The following PRSS54 variants were observed in gnomAD, a reference collection of about 807,000 sequenced individuals.
PRSS54 encodes inactive serine protease 54.
Under a neutral mutation model 19.9 loss-of-function variants are expected in PRSS54, and 16 were observed. That is an observed-to-expected ratio of 0.80 (90% CI 0.54 to 1.22). PRSS54 has a LOEUF of 1.22. Among genes scored for constraint, PRSS54 ranks in the 50% most tolerant of loss-of-function variants. PRSS54 has a pLI of 0.00. For synonymous variants in PRSS54, 177 were observed against 195.8 expected (o/e 0.90, Z 0.80); for missense variants, 444 against 494.8 (o/e 0.90, Z 0.97).
rs1160921824 is a variant in PRSS54 at position 58,294,026 on chromosome 16, A to C, written c.-48T>G. Reference sequence around the variant, plus strand: ...GCTTGGTTCTGTGTGGTAAAGAGGCAGGACCAGTTGGCCCGCACTGTGGTT... The same window carrying C: ...GCTTGGTTCTGTGTGGTAAAGAGGCCGGACCAGTTGGCCCGCACTGTGGTT... On this transcript the variant is annotated 5_prime_UTR_variant, in exon 2 of 7. Transcript: ENST00000567164. 2 of 580,372 alleles carry C rather than the reference A, an allele frequency of 3.4e-6. No homozygotes were observed. Among genetic ancestry groups the C allele is most frequent in the East Asian group, 5.9e-5 (2 of 33,772 alleles). The allele number at this position is 580,372 out of a possible 1,614,324, so 36.0% of individuals were successfully genotyped here. A position where few individuals can be genotyped will look rare whatever the true frequency, so the allele number is the denominator to read the frequency against.
At chr16:58,293,867 T>C (rs994398278) in intron 2 of PRSS54, 45 bp from the exon 3 acceptor site, 6 of 1,518,326 alleles carry the variant, frequency 4.0e-6, no homozygotes, top group Non-Finnish European at 5.4e-6. Context: ...CCCAAACACA[T>C]GCAGGGTTTT....
intron 5 of PRSS54, 84 bp from the exon 6 acceptor site, chr16:58,284,805 ACGAGAGTG>A: frequency 6.7e-7 from 1 of 1,487,342 alleles, no homozygotes; most frequent in Non-Finnish European, 9.1e-7. Flanking sequence ...ATATAGCCAA[ACGAGAGTG>A]AGAATTTTTT....
chr16:58,280,325 C>T lies in PRSS54; in HGVS notation c.1087G>A (p.Val363Met). ...PLYYDYYGGE[V>M]GEGRIFAGQN... ...CCTGCAAAAATCCTACCTTCCCCCA[C>T]CTCCCCACCGTAATAGTCATAGTAT... The change falls in exon 7 of 7, where the codon GTG (valine) becomes ATG (methionine). Residue 363 changes from valine (V) to methionine (M), a missense_variant. By Grantham distance (21) the Val-to-Met change is conservative. Coordinates refer to ENST00000567164, the MANE Select transcript of PRSS54 (RefSeq NM_001305173.2). 1 of 1,614,186 alleles carries T rather than the reference C, an allele frequency of 6.2e-7. No homozygotes were observed. The highest frequency in any genetic ancestry group is 8.5e-7 in the Non-Finnish European group (1 of 1,180,030).
intron 5 of PRSS54, 56 bp from the exon 6 acceptor site, chr16:58,284,777 T>C (rs1338623741): frequency 3.1e-6 from 5 of 1,602,504 alleles, no homozygotes; most frequent in Non-Finnish European, 4.3e-6. Flanking sequence ...GTCCCCTATG[T>C]CAACACAACT....
rs1964681063 is a variant in PRSS54 at position 58,280,254 on chromosome 16, G to A, written c.1158C>T (p.Phe386=). ...TACTGCTGCAAAAGAAAACAAGCAC[G>A]AAGGAAACCAAGATGATTTCTTCGG... is the stretch of plus-strand genomic sequence containing the variant. The part of the protein sequence containing the change: ...YQPEEIILVS[F]VLVFFCSSI Residue 386 remains phenylalanine, a synonymous_variant, in exon 7 of 7, where the codon TTC becomes TTT. Coordinates refer to ENST00000567164, the MANE Select transcript of PRSS54 (RefSeq NM_001305173.2). 5.0e-6 allele frequency: 8 copies of A among 1,613,188 alleles called. No homozygotes were observed. The highest frequency in any genetic ancestry group is 1.3e-5 in the African/African-American group (1 of 74,878).
chr16:58,283,882 C>G (rs1964846538), intron 6 of PRSS54: 1 of 152,164 alleles, frequency 6.6e-6, no homozygotes, highest in South Asian at 2.1e-4. Flanking sequence ...AAAATCCTGC[C>G]TTTCTGGATC....
chr16:58,286,131 ACT>A lies in PRSS54; in HGVS notation c.326_327del (p.Glu109ValfsTer10). 1.9e-6 allele frequency: 3 copies of A among 1,614,042 alleles called. No homozygotes were observed. The highest frequency in any genetic ancestry group is 2.5e-6 in the Non-Finnish European group (3 of 1,179,926). On this transcript the variant is annotated frameshift_variant, in exon 5 of 7. Coordinates refer to ENST00000567164, the MANE Select transcript of PRSS54 (RefSeq NM_001305173.2). The stretch of plus-strand genomic sequence containing the variant: ...TGGATGATGATGGTATTGACTGGAT[ACT>A]CTGTGTGAGCAATCTTGCTAGGATC... The part of the protein sequence containing the change: ...NMDPSKIAHT[E>X]YPVNTIIIHE...
At chr16:58,290,851 T>TC in intron 4 of PRSS54, 108 bp downstream of exon 4, 4 of 1,234,714 alleles carry the variant, frequency 3.2e-6, no homozygotes, top group Non-Finnish European at 2.3e-6. Flanking sequence ...AAAAGCCCTG[T>TC]CCCCCCAGAA....
chr16:58,282,665 A>C (rs1964798138), intron 6 of PRSS54: 1 of 152,240 alleles, frequency 6.6e-6, no homozygotes, highest in South Asian at 2.1e-4. Context: ...GGGGTGCTTT[A>C]GTGTGGCACT....
Position 58,290,965 on chromosome 16 carries a change from T to G in PRSS54, c.257A>C (p.Gln86Pro). Reference sequence around the variant, plus strand: ...CAAAGGCAGGGGCACTGGCCTGTTCTGAATGGCGGATGCGATGCTGAGGAC... The same window carrying G: ...CAAAGGCAGGGGCACTGGCCTGTTCGGAATGGCGGATGCGATGCTGAGGAC... ...FWVLSIASAI[Q>P]NRKDIVVIVG... The change falls in exon 4 of 7, where the codon CAG (glutamine) becomes CCG (proline). Residue 86 changes from glutamine to proline, a missense_variant. By Grantham distance (76) the Gln-to-Pro change is moderately conservative. Transcript: ENST00000567164. The G allele has an allele frequency of 6.2e-7, 1 of 1,614,174 alleles. No individual in the cohort carries two copies. The highest frequency in any genetic ancestry group is 8.5e-7 in the Non-Finnish European group (1 of 1,180,006).
At chr16:58,291,458 A>G (rs892424076) in intron 3 of PRSS54, among the ~76,000 whole-genome samples, 1 of 152,010 alleles carries the variant, frequency 6.6e-6, no homozygotes, top group Non-Finnish European at 1.5e-5. Context: ...GGGATCTGCA[A>G]GGTTAAAGCT....
At chr16:58,289,659 C>T (rs1341352263) in intron 4 of PRSS54, among the ~76,000 whole-genome samples, 3 of 151,862 alleles carry the variant, frequency 2.0e-5, no homozygotes, top group African/African-American at 7.3e-5. Context: ...GCAACCTCCA[C>T]CTCCCAGGTT....
rs934182582 is a variant in PRSS54 at position 58,284,476 on chromosome 16, C to T, written c.654+114G>A. On this transcript the variant is annotated intron_variant, in intron 6 of 6. Coordinates refer to ENST00000567164, the MANE Select transcript of PRSS54 (RefSeq NM_001305173.2). ...ATTCACTCCAGAGACAGCCACTCATCCCAAGCCCTGCCCTCACAGAGCTCC... is the reference window on the plus strand; with the variant it reads ...ATTCACTCCAGAGACAGCCACTCATTCCAAGCCCTGCCCTCACAGAGCTCC... 10 of 1,257,012 alleles carry T rather than the reference C, an allele frequency of 8.0e-6. No homozygotes were observed. The African/African-American group carries it at 8.9e-5, about 11-fold the overall frequency. 77.9% of individuals were successfully genotyped at this position (1,257,012 alleles called of 1,614,324 possible).
chr16:58,292,686 G>T (rs1285053200), intron 3 of PRSS54, among the ~76,000 whole-genome samples: 1 of 152,194 alleles, frequency 6.6e-6, no homozygotes, highest in Non-Finnish European at 1.5e-5. Flanking sequence ...CTAGAGACAA[G>T]ATCCTTATCT....
At chr16:58,284,785 A>G in intron 5 of PRSS54, 64 bp from the exon 6 acceptor site, 1 of 1,590,382 alleles carries the variant, frequency 6.3e-7, no homozygotes. Context: ...TGTCAACACA[A>G]CTCCCACTCA....
intron 6 of PRSS54, chr16:58,283,840 T>C (rs1964845192): frequency 6.6e-6 from 1 of 152,150 alleles, no homozygotes; most frequent in African/African-American, 2.4e-5. Flanking sequence ...AAAAAAATTG[T>C]CTGTATATAT....
chr16:58,280,574 G>C lies in PRSS54; in HGVS notation c.838C>G (p.His280Asp). 2 of 1,614,176 alleles carry C rather than the reference G, an allele frequency of 1.2e-6. No homozygotes were observed. Among genetic ancestry groups the C allele is most frequent in the Non-Finnish European group, 1.7e-6 (2 of 1,180,038 alleles). ...RAGPPLSSLHHWEKLISFSHH... is the reference protein window; with the variant it reads ...RAGPPLSSLHDWEKLISFSHH... ...GAGAAAGAAATCAACTTTTCCCAGT[G>C]GTGGAGTGAGGACAGGGGAGGGCCG... Residue 280 changes from histidine (H) to aspartate (D), a missense_variant, in exon 7 of 7, where the codon CAC becomes GAC. By Grantham distance (81) the His-to-Asp change is moderately conservative. Coordinates refer to ENST00000567164, the MANE Select transcript of PRSS54 (RefSeq NM_001305173.2).
intron 3 of PRSS54, among the ~76,000 whole-genome samples, chr16:58,292,880 G>C (rs1465958917): frequency 6.6e-6 from 1 of 152,208 alleles, no homozygotes; most frequent in Non-Finnish European, 1.5e-5. Flanking sequence ...ATCTGACCCA[G>C]AGATGAAATG....
intron 4 of PRSS54, among the ~76,000 whole-genome samples, chr16:58,286,737 AAC>A (rs1177666347): frequency 6.6e-6 from 1 of 152,210 alleles, no homozygotes; most frequent in Non-Finnish European, 1.5e-5. Flanking sequence ...AACAAATACA[AAC>A]ACCGTAAAAC....
Sources: gnomAD v4.1 joint callset for allele counts (sites outside exome capture counted in the v4.1 genomes callset) on GRCh38, gnomAD v4.1.1 for gene constraint, MANE v1.5 for transcripts, NCBI Gene and HGNC (gene_info 2026-07-23, HGNC 2026-07-21) for gene names.